The following TVP23A variants were observed in gnomAD, a reference collection of about 807,000 sequenced individuals.
TVP23A encodes Golgi apparatus membrane protein TVP23 homolog A.
A neutral mutation model predicts 31.7 loss-of-function variants in TVP23A; 21 were observed. The ratio of observed to expected loss-of-function variants is 0.66; its 90% CI spans 0.47 to 0.95. The LOEUF (loss-of-function observed/expected upper bound fraction) is 0.95, where lower values mean the gene tolerates loss of function less well. Ranked by LOEUF, TVP23A falls within the 40% of genes least tolerant of loss-of-function variation. The pLI is 0.00. For missense variants in TVP23A, 279 were observed against 255.6 expected, an observed-to-expected ratio of 1.09 and a Z score of -0.62; for synonymous variants, 104 against 96.0, an observed-to-expected ratio of 1.08 and a Z score of -0.49.
intron 4 of TVP23A, among the ~76,000 whole-genome samples, chr16:10,773,696 G>A (rs981001238): frequency 2.0e-5 from 3 of 151,952 alleles, no homozygotes; most frequent in South Asian, 2.1e-4. Flanking sequence ...TCAGCCTCCC[G>A]AGTAGCTGGG....
rs1435859896 is a variant in TVP23A at position 10,779,557 on chromosome 16, C to T, written c.90-4461G>A. Among the ~76,000 whole-genome samples the T allele has an allele frequency of 6.6e-6, 1 of 152,210 alleles. No individual in the cohort carries two copies. The highest frequency in any genetic ancestry group is 1.5e-5 in the Non-Finnish European group (1 of 68,044). On this transcript the variant is annotated intron_variant, in intron 2 of 7. Coordinates refer to ENST00000299866, the MANE Select transcript of TVP23A (RefSeq NM_001079512.4). This position sits in a 1 kb window ranked among gnomAD's most constrained non-coding sequence, Gnocchi z 4.9. ...GGGAGGTTGCCCCTTGAGAGGCAAA[C>T]AGCACAGGGGCATGGCACCAGCTGC... is the stretch of plus-strand genomic sequence containing the variant.
At chr16:10,798,986 C>G (rs1405082942) in intron 2 of TVP23A, among the ~76,000 whole-genome samples, 1 of 152,186 alleles carries the variant, frequency 6.6e-6, no homozygotes, top group African/African-American at 2.4e-5. Context: ...CTTGATCACT[C>G]TCTCCCTCAT....
chr16:10,759,385 G>A (rs772004883), downstream of TVP23A, among the ~76,000 whole-genome samples: 2 of 152,260 alleles, frequency 1.3e-5, no homozygotes, highest in Non-Finnish European at 2.9e-5. The surrounding 1 kb of genome is among the most constrained non-coding windows in gnomAD (Gnocchi z 4.7). Flanking sequence ...GACACCAGCT[G>A]GGACCCTGGA....
rs766747290 is a variant in TVP23A, at chr16:10,768,007, G to A, written c.*1095C>T. 5.6e-6 allele frequency: 9 copies of A among 1,614,018 alleles called. No individual in the cohort carries two copies. The highest frequency in any genetic ancestry group is 3.3e-5 in the South Asian group (3 of 91,072). Reference sequence around the variant, plus strand: ...TTGACGCCCCAGATTCCCCAGCCACGTTAGCCTACAGAAGTATAATTCAGA... The same window carrying A: ...TTGACGCCCCAGATTCCCCAGCCACATTAGCCTACAGAAGTATAATTCAGA... On this transcript the variant is annotated 3_prime_UTR_variant, in exon 8 of 8. Transcript: ENST00000299866. This position sits in a 1 kb window ranked among gnomAD's most constrained non-coding sequence, Gnocchi z 4.3.
Position 10,767,773 on chromosome 16 carries a change from C to G in TVP23A, c.*1329G>C. 1.6e-6 allele frequency: 1 copy of G among 608,492 alleles called. No homozygotes were observed. The highest frequency in any genetic ancestry group is 2.8e-5 in the East Asian group (1 of 35,386). The allele number at this position is 608,492 out of a possible 1,614,324, so 37.7% of individuals were successfully genotyped here. On this transcript the variant is annotated 3_prime_UTR_variant, in exon 8 of 8. Transcript: ENST00000299866. This position sits in a 1 kb window ranked among gnomAD's most constrained non-coding sequence, Gnocchi z 4.6. ...CCACGCTGAAATGCTGGCTGGGGAC[C>G]CTGCTGGAAGGAAGGTCCCTGAGAC... is the stretch of plus-strand genomic sequence containing the variant.
At chr16:10,758,351 T>C (rs895357252), downstream of TVP23A, among the ~76,000 whole-genome samples, 4 of 152,128 alleles carry the variant, frequency 2.6e-5, no homozygotes, top group Admixed American at 2.6e-4. Flanking sequence ...CTCGCGCCTG[T>C]AGTTCCAGCT....
At chr16:10,788,867 C>CT (rs2032930643) in intron 2 of TVP23A, among the ~76,000 whole-genome samples, 1 of 152,196 alleles carries the variant, frequency 6.6e-6, no homozygotes, top group Admixed American at 6.5e-5. Flanking sequence ...AAAGGAGTGT[C>CT]CTTCTCCTTG....
downstream of TVP23A, among the ~76,000 whole-genome samples, chr16:10,759,487 G>C (rs898428830): frequency 6.6e-6 from 1 of 152,268 alleles, no homozygotes; most frequent in South Asian, 2.1e-4. This position sits in a 1 kb window ranked among gnomAD's most constrained non-coding sequence, Gnocchi z 4.7. Flanking sequence ...TTAAAAAGTG[G>C]TTGGTGCTGG....
intron 2 of TVP23A, among the ~76,000 whole-genome samples, chr16:10,791,665 T>C (rs1323264402): frequency 6.6e-6 from 1 of 152,218 alleles, no homozygotes; most frequent in Non-Finnish European, 1.5e-5. Context: ...TGGAGTGCAG[T>C]GGCACAATCT....
Position 10,766,737 on chromosome 16 carries a change from C to T in TVP23A, c.*2365G>A, listed in dbSNP as rs371608233. 4.8e-5 allele frequency: 19 copies of T among 393,232 alleles called. No homozygotes were observed. The highest frequency in any genetic ancestry group is 2.5e-4 in the East Asian group (7 of 27,802). 24.4% of individuals were successfully genotyped at this position (393,232 alleles called of 1,614,324 possible). ...TCAACTCCACGGTGTGGGAGGAGAACGGGCCTGAGAATAGGGGCTCAAAGG... is the reference window on the plus strand; with the variant it reads ...TCAACTCCACGGTGTGGGAGGAGAATGGGCCTGAGAATAGGGGCTCAAAGG... On this transcript the variant is annotated 3_prime_UTR_variant, in exon 8 of 8. Coordinates refer to ENST00000299866, the MANE Select transcript of TVP23A (RefSeq NM_001079512.4). This position sits in a 1 kb window ranked among gnomAD's most constrained non-coding sequence, Gnocchi z 4.8.
rs2032776159 is a variant in TVP23A, at chr16:10,786,727, ATTGGGAACCTGGTGATGACTGGGGATGGG to A, written c.90-11660_90-11632del. Among the ~76,000 whole-genome samples the A allele has an allele frequency of 0.01, 10 of 1,000 alleles. No homozygotes were observed. The Admixed American group carries it at 0.11, about 11-fold the overall frequency. 0.7% of individuals were successfully genotyped at this position (1,000 alleles called of 152,430 possible). On this transcript the variant is annotated intron_variant, in intron 2 of 7. Transcript: ENST00000299866. ...ATCCTGGTGATGACTGGGGATGGGC[ATTGGGAACCTGGTGATGACTGGGGATGGG>A]CATTGGGAACGTCAGGTTCATTGTT...
intron 2 of TVP23A, among the ~76,000 whole-genome samples, chr16:10,780,059 G>C (rs2032325225): frequency 6.6e-6 from 1 of 152,142 alleles, no homozygotes; most frequent in South Asian, 2.1e-4. Context: ...CTGGACTCCA[G>C]CCTGGGCGAC....
chr16:10,772,765 G>A (rs2142883187), intron 5 of TVP23A, among the ~76,000 whole-genome samples: 1 of 149,570 alleles, frequency 6.7e-6, no homozygotes, highest in South Asian at 2.2e-4. Flanking sequence ...GAAGCACAGG[G>A]AAGCAATGTC....
intron 2 of TVP23A, among the ~76,000 whole-genome samples, chr16:10,816,610 T>C (rs1275604051): frequency 6.6e-6 from 1 of 152,002 alleles, no homozygotes; most frequent in Non-Finnish European, 1.5e-5. Flanking sequence ...CTGAGATTAC[T>C]TACAGGTGTG....
At position 10,792,496 on chromosome 16, in the gene TVP23A, C is replaced by T. The variant is rs1200497931; in HGVS notation, c.90-17400G>A. 7.9e-5 allele frequency among the ~76,000 whole-genome samples: 12 copies of T among 152,162 alleles called. 1 individual carries two copies. Among genetic ancestry groups the T allele is most frequent in the African/African-American group, 4.8e-5 (2 of 41,448 alleles). ...ACCCCCAGGCCTCCTGAGCTAGAAT[C>T]TGCACTTTAACGAGTCTCCCGAGTG... On this transcript the variant is annotated intron_variant, in intron 2 of 7. Coordinates refer to ENST00000299866, the MANE Select transcript of TVP23A (RefSeq NM_001079512.4).
In TVP23A at chr16:10,766,693, G is replaced by C; in HGVS notation, c.*2409C>G. 1 of 366,582 alleles carries C rather than the reference G, an allele frequency of 2.7e-6. No homozygotes were observed. The highest frequency in any genetic ancestry group is 4.8e-6 in the Non-Finnish European group (1 of 206,530). 22.7% of individuals were successfully genotyped at this position (366,582 alleles called of 1,614,324 possible). On this transcript the variant is annotated 3_prime_UTR_variant, in exon 8 of 8. Coordinates refer to ENST00000299866, the MANE Select transcript of TVP23A (RefSeq NM_001079512.4). The surrounding 1 kb of genome is among the most constrained non-coding windows in gnomAD (Gnocchi z 4.8). The stretch of plus-strand genomic sequence containing the variant: ...GCACAAAGAAAGGAAGGAAGGAAGG[G>C]ATTTATTGAAAATGAAAGTCAACTC...
At chr16:10,764,326 C>T (rs539365962), downstream of TVP23A, among the ~76,000 whole-genome samples, 10 of 152,292 alleles carry the variant, frequency 6.6e-5, no homozygotes, top group African/African-American at 1.9e-4. Flanking sequence ...TCTCAGTCTG[C>T]TGGAGTGTGG....
chr16:10,805,620 G>A (rs1480791207), intron 2 of TVP23A, among the ~76,000 whole-genome samples: 1 of 150,790 alleles, frequency 6.6e-6, no homozygotes, highest in East Asian at 1.9e-4. Context: ...GGCTCCACGT[G>A]AAGAGGACTC....
At chr16:10,781,494 C>G (rs1478095099) in intron 2 of TVP23A, among the ~76,000 whole-genome samples, 1 of 152,174 alleles carries the variant, frequency 6.6e-6, no homozygotes, top group African/African-American at 2.4e-5. Flanking sequence ...GGGCCCTTGT[C>G]ACCCATTGTC....
Sources: gnomAD v4.1 joint callset for allele counts (sites outside exome capture counted in the v4.1 genomes callset) on GRCh38, gnomAD v4.1.1 for gene constraint, Gnocchi (gnomAD v3.1) non-coding constraint, MANE v1.5 for transcripts, NCBI Gene and HGNC (gene_info 2026-07-23, HGNC 2026-07-21) for gene names.